The following MSI2 variants were observed in gnomAD, a reference collection of about 807,000 sequenced individuals.
MSI2 encodes RNA-binding protein Musashi homolog 2.
Under a neutral mutation model 45.6 loss-of-function variants are expected in MSI2, and 17 were observed. The ratio of observed to expected loss-of-function variants is 0.37; its 90% CI spans 0.26 to 0.56. MSI2 has a LOEUF of 0.56. MSI2 is among the 20% of genes least tolerant of loss of function. The pLI, the probability that MSI2 is intolerant of heterozygous loss-of-function variation, is 0.77. For synonymous variants in MSI2, 156 were observed against 158.2 expected, an observed-to-expected ratio of 0.99 and a Z score of 0.11; for missense variants, 293 against 444.2, an observed-to-expected ratio of 0.66 and a Z score of 3.06.
At chr17:57,566,417 T>G (rs780371030) in intron 7 of MSI2, among the ~76,000 whole-genome samples, 1 of 152,176 alleles carries the variant, frequency 6.6e-6, no homozygotes, top group Non-Finnish European at 1.5e-5. Context: ...AAAAAAGCCA[T>G]GAGAAGACAG....
At chr17:57,593,891 C>T (rs1425355713) in intron 7 of MSI2, among the ~76,000 whole-genome samples, 1 of 152,168 alleles carries the variant, frequency 6.6e-6, no homozygotes, top group African/African-American at 2.4e-5. Flanking sequence ...TGCATGGGAT[C>T]CTCTGACTCG....
chr17:57,333,502 A>G (rs8067150), intron 5 of MSI2, among the ~76,000 whole-genome samples: 3,125 of 151,276 alleles, frequency 0.021, 95 homozygotes, highest in African/African-American at 0.071. Context: ...CAGTGGCACA[A>G]TCTCCTCTCA....
At chr17:57,470,157 C>A (rs1321401273) in intron 6 of MSI2, among the ~76,000 whole-genome samples, 6 of 152,236 alleles carry the variant, frequency 3.9e-5, no homozygotes, top group Non-Finnish European at 8.8e-5. Context: ...TGTATTGTAA[C>A]CCTGATCTGT....
chr17:57,460,616 G>C (rs552118367), intron 6 of MSI2, among the ~76,000 whole-genome samples: 2 of 152,274 alleles, frequency 1.3e-5, no homozygotes, highest in South Asian at 4.2e-4. Flanking sequence ...CCCCGCCTGT[G>C]TGTTTGGAGA....
chr17:57,608,071 G>A (rs925543377), intron 8 of MSI2, among the ~76,000 whole-genome samples: 5 of 152,210 alleles, frequency 3.3e-5, no homozygotes, highest in African/African-American at 1.2e-4. Flanking sequence ...TTGCAAAGGA[G>A]CAGAAGGGCT....
chr17:57,539,681 A>C (rs1358002550), intron 7 of MSI2, among the ~76,000 whole-genome samples: 1 of 151,708 alleles, frequency 6.6e-6, no homozygotes, highest in Non-Finnish European at 1.5e-5. Flanking sequence ...GGATTTTCTT[A>C]GTAGTTTCTG....
At chr17:57,433,905 G>C (rs184213693) in intron 6 of MSI2, among the ~76,000 whole-genome samples, 66 of 152,186 alleles carry the variant, frequency 4.3e-4, no homozygotes, top group African/African-American at 1.5e-3. Context: ...TTAATTTTTG[G>C]TGGGGAAATA....
chr17:57,283,530 A>G (rs1598068534), intron 5 of MSI2, among the ~76,000 whole-genome samples: 2 of 152,238 alleles, frequency 1.3e-5, no homozygotes, highest in Non-Finnish European at 2.9e-5. Context: ...GCATGTGAAA[A>G]TGTGTTTAGA....
the MSI2 span, among the ~76,000 whole-genome samples, chr17:57,691,178 TTCTC>T: frequency 3.6e-4 from 52 of 144,574 alleles, no homozygotes; most frequent in Non-Finnish European, 6.5e-4. Flanking sequence ...CTCTCTCTCT[TTCTC>T]TCTCTCTCTC....
At chr17:57,258,412 C>G in intron 4 of MSI2, 58 bp downstream of exon 4, 1 of 1,384,600 alleles carries the variant, frequency 7.2e-7, no homozygotes, top group Non-Finnish European at 1.0e-6. Context: ...TGGGCATTGA[C>G]AGCCCCATTT....
intron 5 of MSI2, among the ~76,000 whole-genome samples, chr17:57,339,734 G>T (rs777844850): frequency 2.0e-5 from 3 of 152,114 alleles, no homozygotes; most frequent in Non-Finnish European, 4.4e-5. Flanking sequence ...TCAGTCATTG[G>T]TAGGGCTGCT....
chr17:57,483,204 G>A (rs1235687266), intron 6 of MSI2, among the ~76,000 whole-genome samples: 2 of 152,064 alleles, frequency 1.3e-5, no homozygotes, highest in Non-Finnish European at 1.5e-5. Context: ...AACCATGCTA[G>A]TTGAGCTGTT....
At chr17:57,686,182 C>T (rs1913875614), downstream of MSI2, among the ~76,000 whole-genome samples, 2 of 152,050 alleles carry the variant, frequency 1.3e-5, no homozygotes, top group South Asian at 4.1e-4. Flanking sequence ...GTTGAGTGTG[C>T]CTGGGAGGGT....
Position 57,632,721 on chromosome 17 carries a change from A to G in MSI2, c.727+5418A>G, listed in dbSNP as rs922177408. On this transcript the variant is annotated intron_variant, in intron 10 of 13. Transcript: ENST00000284073. ...ATACACCCACTCTCTTGGAATAATGACGTACCACTCAGTTGGACCCTCAAG... is the reference window on the plus strand; with the variant it reads ...ATACACCCACTCTCTTGGAATAATGGCGTACCACTCAGTTGGACCCTCAAG... 6 of 1,065,900 alleles carry G rather than the reference A, an allele frequency of 5.6e-6. No homozygotes were observed. The East Asian group carries it at 2.0e-4, about 35-fold the overall frequency. The allele number at this position is 1,065,900 out of a possible 1,614,324, so 66.0% of individuals were successfully genotyped here.
At chr17:57,465,676 A>G (rs536912556) in intron 6 of MSI2, among the ~76,000 whole-genome samples, 29 of 152,220 alleles carry the variant, frequency 1.9e-4, no homozygotes, top group African/African-American at 6.5e-4. Flanking sequence ...AGAGGCCACT[A>G]GTCTCTGTTG....
At chr17:57,632,820 G>T in intron 10 of MSI2, 1 of 1,065,362 alleles carries the variant, frequency 9.4e-7, no homozygotes, top group African/African-American at 1.6e-5. Flanking sequence ...TTTGATGTGA[G>T]TGAATCCATA....
At chr17:57,570,980 T>G (rs552987800) in intron 7 of MSI2, among the ~76,000 whole-genome samples, 7 of 152,262 alleles carry the variant, frequency 4.6e-5, no homozygotes, top group Non-Finnish European at 7.4e-5. Flanking sequence ...CCCCTCCCCC[T>G]GCAGATTTGA....
At chr17:57,463,990 CGTGTGTGTGTGTGT>C (rs58522672) in intron 6 of MSI2, among the ~76,000 whole-genome samples, 2 of 146,294 alleles carry the variant, frequency 1.4e-5, no homozygotes, top group African/African-American at 5.1e-5. Flanking sequence ...GTTTAATGAA[CGTGTGTGTGTGTGT>C]GTGTGTGTGT....
At chr17:57,455,676 C>T (rs772533446) in intron 6 of MSI2, among the ~76,000 whole-genome samples, 25 of 152,018 alleles carry the variant, frequency 1.6e-4, no homozygotes, top group Non-Finnish European at 2.6e-4. Flanking sequence ...AGCAGGAGAG[C>T]GAGGGCAGCA....
Sources: gnomAD v4.1 joint callset for allele counts (sites outside exome capture counted in the v4.1 genomes callset) on GRCh38, gnomAD v4.1.1 for gene constraint, MANE v1.5 for transcripts, NCBI Gene and HGNC (gene_info 2026-07-23, HGNC 2026-07-21) for gene names.